Variants in EPB42 observed in about 807,000 individuals in gnomAD.
EPB42 encodes the protein protein 4.2.
A neutral mutation model predicts 76.9 loss-of-function variants in EPB42; 49 were observed. The observed-to-expected ratio is 0.64, with a 90% confidence interval of 0.51 to 0.81. The LOEUF is 0.81. Ranked by LOEUF, EPB42 falls within the 30% of genes least tolerant of loss-of-function variation. EPB42 has a pLI of 0.00. For missense variants in EPB42, 731 were observed against 867.6 expected (o/e 0.84, Z 1.98); for synonymous variants, 310 against 338.4 (o/e 0.92, Z 0.92).
At chr15:43,202,392 GTCT>G (rs1260121934) in intron 11 of EPB42, among the ~76,000 whole-genome samples, 1 of 152,074 alleles carries the variant, frequency 6.6e-6, no homozygotes, top group African/African-American at 2.4e-5. Flanking sequence ...CCTCTTTGCT[GTCT>G]TCTTCTGTCT....
At chr15:43,213,696 T>C (rs1369094367) in intron 3 of EPB42, among the ~76,000 whole-genome samples, 7 of 152,160 alleles carry the variant, frequency 4.6e-5, no homozygotes, top group Non-Finnish European at 7.4e-5. Context: ...CTGCCAGTCA[T>C]GGAAAGTCAA....
chr15:43,201,413 G>T (rs1214091089), intron 12 of EPB42, among the ~76,000 whole-genome samples: 1 of 152,200 alleles, frequency 6.6e-6, no homozygotes, highest in African/African-American at 2.4e-5. Context: ...GGATATGAAG[G>T]ATGGTGGTGA....
At chr15:43,224,003 A>T (rs780219176), upstream of EPB42, among the ~76,000 whole-genome samples, 74 of 152,156 alleles carry the variant, frequency 4.9e-4, no homozygotes, top group South Asian at 1.2e-3. Flanking sequence ...ATTAATTAAT[A>T]AATAATTGGT....
intron 1 of EPB42, among the ~76,000 whole-genome samples, chr15:43,218,900 A>G (rs2042417142): frequency 6.6e-6 from 1 of 152,066 alleles, no homozygotes; most frequent in Non-Finnish European, 1.5e-5. Context: ...ACCATCTCCT[A>G]TTTGTACCAC....
At chr15:43,214,086 C>T (rs559251659) in intron 3 of EPB42, among the ~76,000 whole-genome samples, 2 of 152,322 alleles carry the variant, frequency 1.3e-5, no homozygotes, top group African/African-American at 4.8e-5. Context: ...GCTATGTACT[C>T]GTTTGATGTT....
rs2042131107 is a variant in EPB42, at chr15:43,201,867, G to A, written c.1890C>T (p.Leu630=). Residue 630 remains leucine (L), a synonymous_variant, in exon 12 of 13, where the codon CTC becomes CTT. Transcript: ENST00000441366. The part of the protein sequence containing the change: ...DCVISILGRG[L]IHRERSYRFR... The stretch of plus-strand genomic sequence containing the variant: ...ACCTGTAGCTCCTCTCTCTGTGAAT[G>A]AGCCCCCTTCCCAGGATGGAGATCA... 4 of 1,614,196 alleles carry A rather than the reference G, an allele frequency of 2.5e-6. No homozygotes were observed. Among genetic ancestry groups the A allele is most frequent in the Admixed American group, 1.7e-5 (1 of 60,026 alleles).
At position 43,207,737 on chromosome 15, in the gene EPB42, C is replaced by T. The variant is rs188306221; in HGVS notation, c.1076-296G>A. Among the ~76,000 whole-genome samples the T allele has an allele frequency of 7.9e-5, 12 of 152,358 alleles. No homozygotes were observed. The East Asian group carries it at 2.3e-3, about 29-fold the overall frequency. On this transcript the variant is annotated intron_variant, in intron 8 of 12. Coordinates refer to ENST00000441366, the MANE Select transcript of EPB42 (RefSeq NM_001114134.2). Reference sequence around the variant, plus strand: ...GTGAGGAGCTCTCAAGCCAGCTTTACTATGGATATGACAGGAATAGGGCTA... The same window carrying T: ...GTGAGGAGCTCTCAAGCCAGCTTTATTATGGATATGACAGGAATAGGGCTA...
Position 43,208,273 on chromosome 15 carries a change from A to G in EPB42, c.1032T>C (p.Asp344=), listed in dbSNP as rs150481419. ...MTRPALPQGY[D]GWQILHPSAP... ...CACTTGGGTGCAGAATCTGCCATCC[A>G]TCATAACCCTGGGGCAAGGCAGGCC... Residue 344 remains aspartate, a synonymous_variant, in exon 8 of 13, where the codon GAT becomes GAC. Transcript: ENST00000441366. The G allele has an allele frequency of 3.8e-4, 616 of 1,614,190 alleles. No individual in the cohort carries two copies. Among genetic ancestry groups the G allele is most frequent in the Non-Finnish European group, 4.9e-4 (584 of 1,180,002 alleles).
chr15:43,202,389 G>GCTT (rs781355494), intron 11 of EPB42, among the ~76,000 whole-genome samples: 3 of 151,994 alleles, frequency 2.0e-5, no homozygotes, highest in Non-Finnish European at 4.4e-5. Context: ...ACACCTCTTT[G>GCTT]CTGTCTTCTT....
At chr15:43,209,186 C>T in intron 6 of EPB42, 88 bp downstream of exon 6, 3 of 1,482,838 alleles carry the variant, frequency 2.0e-6, no homozygotes, top group Admixed American at 1.7e-5. Context: ...AGGGAGGCAG[C>T]ACCTGCTTTT....
chr15:43,212,536 A>G (rs1443554392), intron 3 of EPB42, among the ~76,000 whole-genome samples: 3 of 150,748 alleles, frequency 2.0e-5, no homozygotes, highest in African/African-American at 7.5e-5. Context: ...TGTTTCAGAA[A>G]AAAGACAATT....
intron 7 of EPB42, 137 bp from the exon 8 acceptor site, chr15:43,208,470 AG>A: frequency 7.2e-7 from 1 of 1,387,992 alleles, no homozygotes; most frequent in South Asian, 1.2e-5. Flanking sequence ...TGGCACTCCC[AG>A]GAAGGGGCGT....
chr15:43,202,121 G>T, intron 11 of EPB42, 144 bp from the exon 12 acceptor site: 2 of 1,092,392 alleles, frequency 1.8e-6, no homozygotes, highest in Non-Finnish European at 2.7e-6. Context: ...GTCTTCTACC[G>T]CTCTACCTGC....
At chr15:43,202,103 C>T in intron 11 of EPB42, 126 bp from the exon 12 acceptor site, 1 of 1,294,086 alleles carries the variant, frequency 7.7e-7, no homozygotes. Flanking sequence ...TCAAACTTCA[C>T]AGCTGATGTC....
chr15:43,224,053 T>C (rs1042316487), upstream of EPB42, among the ~76,000 whole-genome samples: 3 of 152,162 alleles, frequency 2.0e-5, no homozygotes, highest in Non-Finnish European at 1.5e-5. Context: ...CGGAGAGTGT[T>C]AGTCAGACTG....
At position 43,209,538 on chromosome 15, in the gene EPB42, C is replaced by T. The variant is rs762781477; in HGVS notation, c.655-87G>A. ...TGGGTAAGGAGGGCTCATCACAGTA[C>T]TCCAACCATGGTGAACAGATCCCCA... On this transcript the variant is annotated intron_variant, in intron 5 of 12. Coordinates refer to ENST00000441366, the MANE Select transcript of EPB42 (RefSeq NM_001114134.2). The T allele has an allele frequency of 3.4e-5, 48 of 1,421,276 alleles. No individual in the cohort carries two copies. In the Middle Eastern group the frequency reaches 7.3e-4, roughly 22 times the overall value. 88.0% of individuals were successfully genotyped at this position (1,421,276 alleles called of 1,614,324 possible).
upstream of EPB42, among the ~76,000 whole-genome samples, chr15:43,222,351 T>C (rs2042470228): frequency 6.6e-6 from 1 of 152,090 alleles, no homozygotes; most frequent in African/African-American, 2.4e-5. Context: ...CAACCTATAA[T>C]AGCAACAACA....
At chr15:43,215,759 C>T (rs1054517131) in intron 2 of EPB42, among the ~76,000 whole-genome samples, 5 of 152,324 alleles carry the variant, frequency 3.3e-5, no homozygotes, top group East Asian at 3.9e-4. Context: ...TGCAATGGCA[C>T]GATCTCGGCT....
chr15:43,213,883 A>G (rs1308592488), intron 3 of EPB42, among the ~76,000 whole-genome samples: 1 of 152,224 alleles, frequency 6.6e-6, no homozygotes. Flanking sequence ...CCTGGACAGA[A>G]GAAGTGGAGA....
Sources: allele counts gnomAD v4.1 joint callset (sites outside exome capture counted in the v4.1 genomes callset), GRCh38; gene constraint gnomAD v4.1.1; transcripts MANE v1.5; gene names NCBI Gene and HGNC (gene_info 2026-07-23, HGNC 2026-07-21).